The following TMEM132B variants were observed in gnomAD, a reference collection of about 807,000 sequenced individuals.
The protein encoded by TMEM132B is transmembrane protein 132B.
A neutral mutation model predicts 90.8 loss-of-function variants in TMEM132B; 18 were observed. That is an observed-to-expected ratio of 0.20 (90% CI 0.14 to 0.29). The LOEUF (loss-of-function observed/expected upper bound fraction) is 0.29. TMEM132B is among the 10% of genes least tolerant of loss of function. The pLI, the probability that TMEM132B is intolerant of heterozygous loss-of-function variation, is 1.00. For synonymous variants in TMEM132B, 504 were observed against 523.3 expected (o/e 0.96, Z 0.50); for missense variants, 1,096 against 1,326.8 (o/e 0.83, Z 2.70).
intron 1 of TMEM132B, among the ~76,000 whole-genome samples, chr12:125,289,007 C>T (rs1015193606): frequency 1.3e-5 from 2 of 152,122 alleles, no homozygotes; most frequent in South Asian, 2.1e-4. Context: ...TCGTAGGCAA[C>T]GCTGAGTTTT....
chr12:125,515,097 G>T (rs1483764623), intron 3 of TMEM132B, among the ~76,000 whole-genome samples: 1 of 152,126 alleles, frequency 6.6e-6, no homozygotes, highest in Non-Finnish European at 1.5e-5. Flanking sequence ...AAGCAGTGTC[G>T]CCACTCCATG....
intron 4 of TMEM132B, among the ~76,000 whole-genome samples, chr12:125,527,760 C>T (rs985473903): frequency 2.6e-4 from 39 of 152,186 alleles, no homozygotes; most frequent in African/African-American, 8.7e-4. Context: ...ACCAATCCAC[C>T]TTCCATCTAC....
At chr12:125,574,397 C>T (rs573279218) in intron 4 of TMEM132B, among the ~76,000 whole-genome samples, 82 of 152,226 alleles carry the variant, frequency 5.4e-4, no homozygotes, top group Non-Finnish European at 1.0e-3. Context: ...TAGTTCACCT[C>T]GTCCAATGGG....
At chr12:125,465,877 C>T (rs1881551628) in intron 3 of TMEM132B, among the ~76,000 whole-genome samples, 2 of 152,168 alleles carry the variant, frequency 1.3e-5, no homozygotes, top group East Asian at 1.9e-4. Context: ...TCTCTTGCTC[C>T]TGCTCTTGCC....
chr12:125,326,758 G>A (rs1048377429), intron 1 of TMEM132B: 11 of 1,390,266 alleles, frequency 7.9e-6, no homozygotes, highest in African/African-American at 1.4e-5. Context: ...GTCCTATTCA[G>A]ATTCTCCCTT....
intron 2 of TMEM132B, among the ~76,000 whole-genome samples, chr12:125,410,489 TGGA>T (rs1376497231): frequency 2.9e-4 from 1 of 3,492 alleles, no homozygotes; most frequent in Non-Finnish European, 5.7e-4. Context: ...GTGAGTGGAG[TGGA>T]GGAGTGGAGT....
chr12:125,319,401 C>T (rs113692355), intron 1 of TMEM132B, among the ~76,000 whole-genome samples: 190 of 152,322 alleles, frequency 1.2e-3, no homozygotes, highest in African/African-American at 4.4e-3. Context: ...TCCACATTAA[C>T]GAGGCTGCCG....
chr12:125,395,320 A>G (rs1879140362), intron 2 of TMEM132B, among the ~76,000 whole-genome samples: 1 of 152,246 alleles, frequency 6.6e-6, no homozygotes, highest in African/African-American at 2.4e-5. Context: ...ACATTTTACA[A>G]ATAGCAGGTT....
At position 125,660,123 on chromosome 12, in the gene TMEM132B, C is replaced by G. The variant is rs1156823247; in HGVS notation, c.*5413C>G. 1 of 152,394 alleles carries G rather than the reference C, an allele frequency of 6.6e-6. No individual in the cohort carries two copies. The highest frequency in any genetic ancestry group is 1.5e-5 in the Non-Finnish European group (1 of 68,212). The allele number at this position is 152,394 out of a possible 1,614,324, so 9.4% of individuals were successfully genotyped here. ...AATTATCCAGTCGTGGTGGTGCATG[C>G]CTGTAGTCCCAGCTACTCTGGAGGC... On this transcript the variant is annotated 3_prime_UTR_variant, in exon 9 of 9. Coordinates refer to ENST00000682704, the MANE Select transcript of TMEM132B (RefSeq NM_001366854.1).
chr12:125,585,543 A>T (rs1303233480), intron 5 of TMEM132B: 2 of 152,206 alleles, frequency 1.3e-5, no homozygotes, highest in African/African-American at 2.4e-5. Context: ...GCTCAAACAA[A>T]TGATTCAGTC....
chr12:125,652,741 T>C (rs1282729142), intron 8 of TMEM132B, 109 bp downstream of exon 8: 2 of 1,249,026 alleles, frequency 1.6e-6, no homozygotes, highest in Non-Finnish European at 2.2e-6. Context: ...GGACTGGGGA[T>C]TCTTGAAGCT....
Position 125,650,817 on chromosome 12 carries a change from A to C in TMEM132B, c.1778A>C (p.Tyr593Ser). ...TCACCTGACTTAGGGCAGCTGACCT[A>C]CATGCTGGGCCCCGACTGGCAGTTT... ...AESPDLGQLT[Y>S]MLGPDWQFDI... Residue 593 changes from tyrosine (Y) to serine (S), a missense_variant, in exon 7 of 9, where the codon TAC (tyrosine) becomes TCC (serine). Transcript: ENST00000682704. 6.2e-7 allele frequency: 1 copy of C among 1,614,216 alleles called. No homozygotes were observed. The highest frequency in any genetic ancestry group is 8.5e-7 in the Non-Finnish European group (1 of 1,180,044).
chr12:125,620,060 T>C (rs1164807282), intron 5 of TMEM132B, among the ~76,000 whole-genome samples: 3 of 152,188 alleles, frequency 2.0e-5, no homozygotes, highest in Non-Finnish European at 2.9e-5. Context: ...AATGGCATCT[T>C]CAAATGAGAT....
intron 5 of TMEM132B, among the ~76,000 whole-genome samples, chr12:125,612,583 A>C (rs1421595345): frequency 6.9e-6 from 1 of 145,734 alleles, no homozygotes; most frequent in Admixed American, 6.9e-5. Context: ...TAAAATATAT[A>C]TTATATATAT....
In TMEM132B at chr12:125,573,765, A is replaced by T. The variant is rs183717011; in HGVS notation, c.1294-10086A>T. On this transcript the variant is annotated intron_variant, in intron 4 of 8. Transcript: ENST00000682704. ...CTTAGAGCTTCTGATTCAAATGAGC[A>T]CATAATTCCACCTGTGTTTCATTGG... is the stretch of plus-strand genomic sequence containing the variant. 2.3e-3 allele frequency among the ~76,000 whole-genome samples: 353 copies of T among 152,318 alleles called. 2 individuals carry two copies. The highest frequency in any genetic ancestry group is 4.2e-3 in the Non-Finnish European group (287 of 68,030).
At chr12:125,573,554 G>A (rs1309251625) in intron 4 of TMEM132B, among the ~76,000 whole-genome samples, 1 of 152,188 alleles carries the variant, frequency 6.6e-6, no homozygotes. Context: ...TCAAAATAAT[G>A]TGCCGAAAGT....
intron 2 of TMEM132B, among the ~76,000 whole-genome samples, chr12:125,376,278 C>CT (rs200168087): frequency 5.9e-5 from 9 of 151,570 alleles, no homozygotes; most frequent in African/African-American, 1.9e-4. Context: ...ATTGATATTG[C>CT]TTTTTTTTTC....
At chr12:125,233,241 A>C (rs180909198) in intron 1 of TMEM132B, among the ~76,000 whole-genome samples, 32 of 152,336 alleles carry the variant, frequency 2.1e-4, no homozygotes, top group Non-Finnish European at 3.4e-4. Context: ...ATAATAAGGG[A>C]TTATACAGGA....
At chr12:125,464,806 A>G (rs2136480907) in intron 3 of TMEM132B, among the ~76,000 whole-genome samples, 1 of 152,378 alleles carries the variant, frequency 6.6e-6, no homozygotes, top group Non-Finnish European at 1.5e-5. Context: ...TTCAGTGCTC[A>G]AATTAGCAAT....
Sources: allele counts gnomAD v4.1 joint callset (sites outside exome capture counted in the v4.1 genomes callset), GRCh38; gene constraint gnomAD v4.1.1; transcripts MANE v1.5; gene names NCBI Gene and HGNC (gene_info 2026-07-23, HGNC 2026-07-21).